The following ABHD12 variants were observed in gnomAD, a reference collection of about 807,000 sequenced individuals.
ABHD12 encodes the protein lysophosphatidylserine lipase ABHD12.
Under a neutral mutation model 58.3 loss-of-function variants are expected in ABHD12, and 43 were observed. That is an observed-to-expected ratio of 0.74 (90% confidence interval 0.58 to 0.95). The LOEUF (loss-of-function observed/expected upper bound fraction) is 0.95, where lower values mean the gene tolerates loss of function less well. ABHD12 is among the 40% of genes least tolerant of loss of function. The pLI, the probability that ABHD12 is intolerant of heterozygous loss-of-function variation, is 0.00. For synonymous variants in ABHD12, 219 were observed against 211.2 expected (o/e 1.04, Z -0.32); for missense variants, 539 against 537.2 (o/e 1.00, Z -0.03).
chr20:25,317,154 C>A (rs2145961319), intron 4 of ABHD12, 76 bp from the exon 5 acceptor site: 1 of 1,011,580 alleles, frequency 9.9e-7, no homozygotes, highest in East Asian at 2.5e-5. Context: ...CCTCCATACC[C>A]CAAACCAGGG....
At chr20:25,389,598 G>T (rs1041089603) in intron 1 of ABHD12, among the ~76,000 whole-genome samples, 2 of 152,178 alleles carry the variant, frequency 1.3e-5, no homozygotes, top group Non-Finnish European at 2.9e-5. Context: ...CAGCAGATGG[G>T]AGGAGAAATC....
rs918230002 is a variant in ABHD12 at position 25,300,493 on chromosome 20, G to A, written c.*352C>T. 10 of 1,276,200 alleles carry A rather than the reference G, an allele frequency of 7.8e-6. No individual in the cohort carries two copies. Among genetic ancestry groups the A allele is most frequent in the East Asian group, 3.8e-5 (1 of 25,982 alleles). 79.1% of individuals were successfully genotyped at this position (1,276,200 alleles called of 1,614,324 possible). A position where few individuals can be genotyped will look rare whatever the true frequency, so the allele number is the denominator to read the frequency against. ...GTGCCAAAAAGCTCAGCATGGTCCC[G>A]AGCCCCAAGAGTCCCCTGCCCGGAC... is the stretch of plus-strand genomic sequence containing the variant. On this transcript the variant is annotated 3_prime_UTR_variant, in exon 13 of 13. Transcript: ENST00000339157.
At chr20:25,301,915 G>A (rs1017404948) in intron 12 of ABHD12, among the ~76,000 whole-genome samples, 1 of 152,256 alleles carries the variant, frequency 6.6e-6, no homozygotes, top group East Asian at 1.9e-4. Context: ...AGTGGCTGGG[G>A]TGTCTGTGTC....
At chr20:25,316,439 G>GT (rs1159269024) in intron 5 of ABHD12, among the ~76,000 whole-genome samples, 7 of 152,172 alleles carry the variant, frequency 4.6e-5, no homozygotes, top group African/African-American at 7.2e-5. Context: ...GATTACAGGC[G>GT]TGAGCCACCA....
intron 1 of ABHD12, among the ~76,000 whole-genome samples, chr20:25,380,642 G>A (rs540221434): frequency 6.6e-6 from 1 of 152,198 alleles, no homozygotes; most frequent in South Asian, 2.1e-4. Context: ...TCCAATTGCA[G>A]ATCAGGCTTT....
chr20:25,311,567 CCT>C (rs1167356252), intron 6 of ABHD12, among the ~76,000 whole-genome samples: 3 of 152,220 alleles, frequency 2.0e-5, no homozygotes, highest in East Asian at 3.8e-4. Flanking sequence ...CAGGTGACAG[CCT>C]CTCTCCTTTG....
At chr20:25,384,601 T>C (rs2090064128) in intron 1 of ABHD12, among the ~76,000 whole-genome samples, 1 of 151,722 alleles carries the variant, frequency 6.6e-6, no homozygotes, top group African/African-American at 2.4e-5. Flanking sequence ...AAAAATTAGC[T>C]AGGCATGGTG....
chr20:25,345,598 T>C (rs755457828), intron 1 of ABHD12, among the ~76,000 whole-genome samples: 14 of 152,222 alleles, frequency 9.2e-5, no homozygotes, highest in Non-Finnish European at 1.8e-4. Context: ...TAAAACTTGA[T>C]AAGAAAATAA....
intron 1 of ABHD12, among the ~76,000 whole-genome samples, chr20:25,353,146 A>G (rs1369095093): frequency 6.6e-6 from 1 of 152,256 alleles, no homozygotes; most frequent in African/African-American, 2.4e-5. Context: ...CTAGTTTAAA[A>G]ATTGAATCTC....
intron 1 of ABHD12, among the ~76,000 whole-genome samples, chr20:25,388,372 C>T (rs1262277087): frequency 6.6e-6 from 1 of 152,194 alleles, no homozygotes; most frequent in Non-Finnish European, 1.5e-5. Flanking sequence ...GAAAACAAAG[C>T]TCCTGTTCTC....
rs542609381 is a variant in ABHD12 at position 25,390,207 on chromosome 20, C to A, written c.191+306G>T. 3.3e-4 allele frequency: 89 copies of A among 272,210 alleles called. 1 individual carries two copies. In the East Asian group the frequency reaches 6.3e-3, roughly 19 times the overall value. The allele number at this position is 272,210 out of a possible 1,614,324, so 16.9% of individuals were successfully genotyped here. On this transcript the variant is annotated intron_variant, in intron 1 of 12. Coordinates refer to ENST00000339157, the MANE Select transcript of ABHD12 (RefSeq NM_001042472.3). ...CGCCAAGCCCCCAGCGTAAGGGTCC[C>A]CCCGGCTTCCCCGGGAAAGGGTCGG... is the stretch of plus-strand genomic sequence containing the variant.
intron 9 of ABHD12, among the ~76,000 whole-genome samples, chr20:25,307,147 C>T (rs1421498457): frequency 6.6e-6 from 1 of 152,216 alleles, no homozygotes; most frequent in African/African-American, 2.4e-5. Context: ...CCGCCAGGCC[C>T]CACAGACTGG....
At chr20:25,365,686 C>CT (rs2089810235) in intron 1 of ABHD12, among the ~76,000 whole-genome samples, 1 of 152,186 alleles carries the variant, frequency 6.6e-6, no homozygotes, top group Non-Finnish European at 1.5e-5. Flanking sequence ...AAGTGGTTGT[C>CT]AAAGATGCAT....
intron 2 of ABHD12, among the ~76,000 whole-genome samples, chr20:25,336,494 C>T (rs1015025794): frequency 2.8e-4 from 42 of 152,198 alleles, no homozygotes; most frequent in African/African-American, 1.0e-3. Context: ...ATTCTGGGGC[C>T]CAAGAGATTG....
intron 1 of ABHD12, chr20:25,368,675 T>C (rs1331709068): frequency 7.3e-7 from 1 of 1,366,072 alleles, no homozygotes; most frequent in South Asian, 1.2e-5. Flanking sequence ...TTTTCTGCTG[T>C]CTTTGGAATC....
At position 25,308,045 on chromosome 20, in the gene ABHD12, T is replaced by G; in HGVS notation, c.788A>C (p.Glu263Ala). Residue 263 changes from glutamate (E) to alanine (A), a missense_variant and splice_region_variant, in exon 9 of 13, where the codon GAG becomes GCG. Physicochemically the swap from Glu to Ala is moderately radical, Grantham distance 107. Transcript: ENST00000339157. ...CAATATAAGGGCATCTGGAGGCGTC[T>G]CTAGATAAACAAACAGGGAACTGAG... is the stretch of plus-strand genomic sequence containing the variant. ...TNLVRRLCER[E>A]TPPDALILES... is the part of the protein sequence containing the mutation. The G allele has an allele frequency of 6.3e-7, 1 of 1,597,102 alleles. No individual in the cohort carries two copies.
At chr20:25,370,606 C>T (rs1426690939) in intron 1 of ABHD12, among the ~76,000 whole-genome samples, 1 of 152,206 alleles carries the variant, frequency 6.6e-6, no homozygotes, top group African/African-American at 2.4e-5. Flanking sequence ...GAGAGCACAG[C>T]GATTAGAGCA....
At chr20:25,344,943 G>GA (rs1398041100) in intron 1 of ABHD12, among the ~76,000 whole-genome samples, 2 of 152,038 alleles carry the variant, frequency 1.3e-5, no homozygotes, top group East Asian at 1.9e-4. Flanking sequence ...CATTCGTATG[G>GA]AAAAAAATGA....
At chr20:25,337,499 T>C (rs1041197586) in intron 2 of ABHD12, among the ~76,000 whole-genome samples, 48 of 152,226 alleles carry the variant, frequency 3.2e-4, no homozygotes, top group African/African-American at 1.1e-3. Flanking sequence ...ACAAAATCTG[T>C]AGGCTGTGTG....
Sources: gnomAD v4.1 joint callset for allele counts (sites outside exome capture counted in the v4.1 genomes callset) on GRCh38, gnomAD v4.1.1 for gene constraint, MANE v1.5 for transcripts, NCBI Gene and HGNC (gene_info 2026-07-23, HGNC 2026-07-21) for gene names.